The following TMC2 variants were observed in gnomAD, a reference collection of about 807,000 sequenced individuals.
TMC2 encodes the protein transmembrane channel-like protein 2.
Under a neutral mutation model 105.9 loss-of-function variants are expected in TMC2, and 102 were observed. That is an observed-to-expected ratio of 0.96 (90% confidence interval 0.82 to 1.14). The LOEUF (loss-of-function observed/expected upper bound fraction) is 1.14, where lower values mean the gene tolerates loss of function less well. Ranked by LOEUF, TMC2 falls within the 50% of genes most tolerant of loss-of-function variation. The pLI is 0.00. For synonymous variants in TMC2, 402 were observed against 422.8 expected (o/e 0.95, Z 0.60); for missense variants, 1,093 against 1,134.3 (o/e 0.96, Z 0.52).
At chr20:2,639,038 G>A (rs1353555739) in intron 19 of TMC2, among the ~76,000 whole-genome samples, 2 of 152,204 alleles carry the variant, frequency 1.3e-5, no homozygotes, top group South Asian at 2.1e-4. Flanking sequence ...TGGGATTACA[G>A]GTGCCCACCA....
At chr20:2,581,410 A>G (rs1055387843) in intron 7 of TMC2, among the ~76,000 whole-genome samples, 2 of 152,216 alleles carry the variant, frequency 1.3e-5, no homozygotes, top group Non-Finnish European at 2.9e-5. Flanking sequence ...TGAGCCCTAC[A>G]TATATTCTTA....
At chr20:2,549,049 T>A (rs1392834504) in intron 2 of TMC2, among the ~76,000 whole-genome samples, 3 of 152,236 alleles carry the variant, frequency 2.0e-5, no homozygotes, top group East Asian at 1.9e-4. Flanking sequence ...CTGGGATTTT[T>A]AAAATTTATT....
In TMC2 at chr20:2,597,181, C is replaced by A. The variant is rs749847002; in HGVS notation, c.1107C>A (p.Gly369=). 4.3e-6 allele frequency: 7 copies of A among 1,613,964 alleles called. No homozygotes were observed. The highest frequency in any genetic ancestry group is 5.9e-6 in the Non-Finnish European group (7 of 1,179,998). ...SMASNTQGST[G]EGESDNFTFS... is the part of the protein sequence containing the mutation. ...CCAGCAATACCCAAGGAAGCACAGG[C>A]GAAGGGGAGAGTGACAACTTCACAT... The change falls in exon 10 of 20, where the codon GGC becomes GGA. Residue 369 remains glycine, a synonymous_variant. Coordinates refer to ENST00000358864, the MANE Select transcript of TMC2 (RefSeq NM_080751.3).
intron 10 of TMC2, among the ~76,000 whole-genome samples, chr20:2,597,552 C>T (rs188122764): frequency 5.5e-4 from 83 of 152,230 alleles, no homozygotes; most frequent in South Asian, 3.1e-3. Context: ...CAGTGGTGTG[C>T]TCTCAGCACA....
Position 2,558,475 on chromosome 20 carries a change from A to T in TMC2, c.102A>T (p.Arg34Ser), listed in dbSNP as rs1287676490. 2.6e-6 allele frequency: 4 copies of T among 1,557,886 alleles called. No homozygotes were observed. Residue 34 changes from arginine (R) to serine (S), a missense_variant, in exon 3 of 20, where the codon AGA (arginine) becomes AGT (serine). By Grantham distance (110) the Arg-to-Ser change is moderately radical (BLOSUM62 -1). Coordinates refer to ENST00000358864, the MANE Select transcript of TMC2 (RefSeq NM_080751.3). This position sits in a 1 kb window ranked among gnomAD's most constrained non-coding sequence, Gnocchi z 4.6. ...SPHTGDRLGR[R>S]SSSKRALKAE... is the part of the protein sequence containing the mutation. ...CGGCAGGTGACAGGCTGGGAAGGAG[A>T]TCCTCAAGCAAGCGGGCTCTCAAAG...
Position 2,536,623 on chromosome 20 carries a change from TGAGCCACCA to T in TMC2, c.4_12del (p.SerHisGln2_?4). On this transcript the variant is annotated start_lost and inframe_deletion, in exon 1 of 20. Transcript: ENST00000358864. Reference sequence around the variant, plus strand: ...AGGACCCCAGCAGTGCTGCTGACCATGAGCCACCAGGTAAAGGGCCTGAAAGAGGAAGGT... The same window carrying T: ...AGGACCCCAGCAGTGCTGCTGACCATGGTAAAGGGCCTGAAAGAGGAAGGT... 1 of 1,573,396 alleles carries T rather than the reference TGAGCCACCA, an allele frequency of 6.4e-7. No individual in the cohort carries two copies. Among genetic ancestry groups the T allele is most frequent in the East Asian group, 2.3e-5 (1 of 43,240 alleles).
intron 18 of TMC2, among the ~76,000 whole-genome samples, chr20:2,636,879 G>A (rs1438117132): frequency 6.6e-6 from 1 of 152,094 alleles, no homozygotes; most frequent in Admixed American, 6.5e-5. Context: ...CCAAAGTGCT[G>A]GGATTATAGG....
At chr20:2,632,145 T>C (rs571175486) in intron 17 of TMC2, among the ~76,000 whole-genome samples, 5 of 151,946 alleles carry the variant, frequency 3.3e-5, no homozygotes, top group African/African-American at 9.7e-5. Context: ...CCTCAGCCTG[T>C]CGAGTAGCTG....
At chr20:2,588,669 G>C (rs1258862369) in intron 7 of TMC2, among the ~76,000 whole-genome samples, 1 of 144,864 alleles carries the variant, frequency 6.9e-6, no homozygotes, top group Non-Finnish European at 1.5e-5. Context: ...CTACATATAT[G>C]TGTGTGCCTT....
intron 17 of TMC2, among the ~76,000 whole-genome samples, chr20:2,630,533 A>AT (rs2086596186): frequency 6.6e-6 from 1 of 152,076 alleles, no homozygotes; most frequent in South Asian, 2.1e-4. Flanking sequence ...TGAAGTGTGC[A>AT]TTTTTTGGCT....
Position 2,558,359 on chromosome 20 carries a change from C to T in TMC2, c.83-97C>T. On this transcript the variant is annotated intron_variant, in intron 2 of 19. Transcript: ENST00000358864. This position sits in a 1 kb window ranked among gnomAD's most constrained non-coding sequence, Gnocchi z 4.6. ...GAGCCCCGCAGAGCTCACAAGCTCT[C>T]GGAATCATCTTGGACGTCTGATTTC... 9.9e-6 allele frequency: 15 copies of T among 1,517,220 alleles called. No homozygotes were observed. Among genetic ancestry groups the T allele is most frequent in the East Asian group, 4.9e-5 (2 of 40,658 alleles). 94.0% of individuals were successfully genotyped at this position (1,517,220 alleles called of 1,614,324 possible).
chr20:2,540,656 C>CAAAAA (rs10657326), intron 2 of TMC2, among the ~76,000 whole-genome samples: 1 of 108,440 alleles, frequency 9.2e-6, no homozygotes, highest in Non-Finnish European at 1.9e-5. Context: ...GAGGGACTCT[C>CAAAAA]AAAAAAAAAA....
intron 11 of TMC2, among the ~76,000 whole-genome samples, chr20:2,609,542 C>G (rs1261834533): frequency 2.0e-5 from 3 of 152,038 alleles, no homozygotes; most frequent in South Asian, 2.1e-4. Context: ...GCAGGAATAC[C>G]GTGATCAAAT....
chr20:2,537,182 GC>G, intron 1 of TMC2, 86 bp from the exon 2 acceptor site: 1 of 1,257,404 alleles, frequency 8.0e-7, no homozygotes, highest in South Asian at 1.3e-5. Context: ...CCACAAATCA[GC>G]TGAGGGGTCC....
In TMC2 at chr20:2,574,873, G is replaced by C. The variant is rs975890221; in HGVS notation, c.645+2604G>C. ...CCCAAGTAGCTGGGATTATGGGCAT[G>C]CGCCACCATACCCGGCTAATTTTTG... On this transcript the variant is annotated intron_variant, in intron 5 of 19. Coordinates refer to ENST00000358864, the MANE Select transcript of TMC2 (RefSeq NM_080751.3). Among the ~76,000 whole-genome samples the C allele has an allele frequency of 4.6e-5, 7 of 151,946 alleles. No individual in the cohort carries two copies. The East Asian group carries it at 1.2e-3, about 25-fold the overall frequency.
At chr20:2,572,356 G>T (rs1432782408) in intron 5 of TMC2, 87 bp downstream of exon 5, 1 of 1,012,206 alleles carries the variant, frequency 9.9e-7, no homozygotes. Flanking sequence ...GCCCAGCTTC[G>T]CCATTTGTGT....
At chr20:2,607,376 T>A (rs903492981) in intron 11 of TMC2, among the ~76,000 whole-genome samples, 2 of 152,216 alleles carry the variant, frequency 1.3e-5, no homozygotes, top group African/African-American at 4.8e-5. Flanking sequence ...ATTTCAATTC[T>A]GTTCTCAGAA....
At chr20:2,544,068 A>AT (rs3051737) in intron 2 of TMC2, among the ~76,000 whole-genome samples, 13,973 of 132,192 alleles carry the variant, frequency 0.11, 758 homozygotes, top group East Asian at 0.14. Flanking sequence ...TGCCTAGCTG[A>AT]TTTTTTTTTT....
intron 11 of TMC2, among the ~76,000 whole-genome samples, chr20:2,607,705 A>G (rs2086403923): frequency 1.3e-5 from 2 of 152,196 alleles, no homozygotes. Flanking sequence ...GGTAATTTGT[A>G]TTGTATTGTA....
Sources: allele counts gnomAD v4.1 joint callset (sites outside exome capture counted in the v4.1 genomes callset), GRCh38; gene constraint gnomAD v4.1.1; non-coding constraint Gnocchi (gnomAD v3.1); transcripts MANE v1.5; gene names NCBI Gene and HGNC (gene_info 2026-07-23, HGNC 2026-07-21).